Variants in NSUN7 observed in about 807,000 individuals in gnomAD.
NSUN7 encodes the protein NOP2/Sun RNA methyltransferase family member 7.
A neutral mutation model predicts 58.5 loss-of-function variants in NSUN7; 39 were observed. The observed-to-expected ratio is 0.67, with a 90% CI of 0.52 to 0.87. The LOEUF (loss-of-function observed/expected upper bound fraction) is 0.87. Ranked by LOEUF, NSUN7 falls within the 40% of genes least tolerant of loss-of-function variation. The pLI is 0.00. For missense variants in NSUN7, 765 were observed against 844.1 expected, an observed-to-expected ratio of 0.91 and a Z score of 1.16; for synonymous variants, 278 against 303.7, an observed-to-expected ratio of 0.92 and a Z score of 0.88.
chr4:40,760,209 T>C (rs1741381659), intron 2 of NSUN7, among the ~76,000 whole-genome samples: 2 of 152,242 alleles, frequency 1.3e-5, no homozygotes, highest in Admixed American at 6.5e-5. Context: ...ATAATGCTTC[T>C]TTAACTATGA....
chr4:40,780,809 A>AT (rs1742517263), intron 7 of NSUN7, among the ~76,000 whole-genome samples: 3 of 99,426 alleles, frequency 3.0e-5, no homozygotes, highest in African/African-American at 7.9e-5. Flanking sequence ...ATATATATAT[A>AT]TATATTTTTT....
In NSUN7 at chr4:40,790,893, T is replaced by C. The variant is rs1577576185; in HGVS notation, c.1180+148T>C. The stretch of plus-strand genomic sequence containing the variant: ...AGTACTTACTATGTATAAAGTCCTT[T>C]ACCTCTGTTACCTCATTTAATCCTT... On this transcript the variant is annotated intron_variant, in intron 8 of 11. Coordinates refer to ENST00000381782, the MANE Select transcript of NSUN7 (RefSeq NM_024677.6). The C allele has an allele frequency of 1.2e-5, 7 of 575,460 alleles. No individual in the cohort carries two copies. In the East Asian group the frequency reaches 2.2e-4, roughly 18 times the overall value. The allele number at this position is 575,460 out of a possible 1,614,324, so 35.6% of individuals were successfully genotyped here.
chr4:40,752,545 T>C (rs964297781), intron 2 of NSUN7, among the ~76,000 whole-genome samples: 2 of 152,146 alleles, frequency 1.3e-5, no homozygotes, highest in African/African-American at 2.4e-5. Flanking sequence ...CTCAGCCTCC[T>C]GAGTAGCTGG....
chr4:40,765,737 G>C (rs180963701), intron 4 of NSUN7, among the ~76,000 whole-genome samples: 1 of 151,930 alleles, frequency 6.6e-6, no homozygotes. Context: ...TCCATTTCTT[G>C]GTATCCTCTT....
rs1742209644 is a variant in NSUN7, at chr4:40,775,234, A to G, written c.825+284A>G. On this transcript the variant is annotated intron_variant, in intron 6 of 11. Transcript: ENST00000381782. The surrounding 1 kb of genome is among the most constrained non-coding windows in gnomAD (Gnocchi z 4.3). Reference sequence around the variant, plus strand: ...CTGTAAGGTTCTACTTTTCTCCCCTAAAGGAGAATTCAAGAGAAAGTACAA... The same window carrying G: ...CTGTAAGGTTCTACTTTTCTCCCCTGAAGGAGAATTCAAGAGAAAGTACAA... 5.6e-6 allele frequency: 1 copy of G among 180,112 alleles called. No homozygotes were observed. Among genetic ancestry groups the G allele is most frequent in the South Asian group, 1.8e-4 (1 of 5,408 alleles). The allele number at this position is 180,112 out of a possible 1,614,324, so 11.2% of individuals were successfully genotyped here.
At chr4:40,771,149 A>G (rs945172694) in intron 4 of NSUN7, among the ~76,000 whole-genome samples, 5 of 152,210 alleles carry the variant, frequency 3.3e-5, no homozygotes, top group Non-Finnish European at 7.3e-5. Flanking sequence ...AAGATCATTT[A>G]TGGAAGAATT....
At chr4:40,787,934 A>G (rs1742908768) in intron 7 of NSUN7, among the ~76,000 whole-genome samples, 2 of 152,180 alleles carry the variant, frequency 1.3e-5, no homozygotes, top group South Asian at 4.1e-4. Context: ...TCCCAGGTTC[A>G]AGCAATTCTC....
At chr4:40,794,516 T>C (rs1245348663) in intron 9 of NSUN7, 40 bp downstream of exon 9, 1 of 1,207,050 alleles carries the variant, frequency 8.3e-7, no homozygotes, top group East Asian at 2.4e-5. Flanking sequence ...AAATAAGGTG[T>C]ACATTTTAGA....
chr4:40,772,394 G>A (rs1332775543), intron 4 of NSUN7, among the ~76,000 whole-genome samples: 1 of 152,048 alleles, frequency 6.6e-6, no homozygotes, highest in African/African-American at 2.4e-5. Flanking sequence ...ATTTTTTGAG[G>A]TGCATTAATG....
rs373843912 is a variant in NSUN7, at chr4:40,761,226, A to C, written c.413A>C (p.Lys138Thr). ...IVMLYDFQDR[K>T]FQTRVLSDNE... ...ATGCTATATGATTTCCAAGATAGAAAATTTCAAACTCGTGTCCTTTCTGAT... is the reference window on the plus strand; with the variant it reads ...ATGCTATATGATTTCCAAGATAGAACATTTCAAACTCGTGTCCTTTCTGAT... Residue 138 changes from lysine to threonine, a missense_variant, in exon 4 of 12, where the codon AAA becomes ACA. Lys to Thr is a moderately conservative substitution (Grantham distance 78, BLOSUM62 -1). Coordinates refer to ENST00000381782, the MANE Select transcript of NSUN7 (RefSeq NM_024677.6). 1.0e-5 allele frequency: 16 copies of C among 1,585,300 alleles called. No individual in the cohort carries two copies. Among genetic ancestry groups the C allele is most frequent in the Non-Finnish European group, 1.4e-5 (16 of 1,171,264 alleles).
intron 7 of NSUN7, among the ~76,000 whole-genome samples, chr4:40,779,314 C>T (rs1215901823): frequency 6.6e-6 from 1 of 151,746 alleles, no homozygotes; most frequent in East Asian, 1.9e-4. Flanking sequence ...AGAGCAAGAC[C>T]CTGTCTCTGC....
chr4:40,776,402 T>G, intron 7 of NSUN7, 143 bp downstream of exon 7: 1 of 562,350 alleles, frequency 1.8e-6, no homozygotes, highest in Non-Finnish European at 3.0e-6. Context: ...AATCTATGTC[T>G]TATCAGGCTG....
At chr4:40,757,671 T>G (rs1304280303) in intron 2 of NSUN7, among the ~76,000 whole-genome samples, 1 of 145,956 alleles carries the variant, frequency 6.9e-6, no homozygotes, top group Non-Finnish European at 1.5e-5. Context: ...ATATACATTG[T>G]GTGTATATAT....
chr4:40,792,095 A>G (rs1453108374), intron 8 of NSUN7, among the ~76,000 whole-genome samples: 1 of 152,234 alleles, frequency 6.6e-6, no homozygotes, highest in Non-Finnish European at 1.5e-5. Flanking sequence ...ACCAATTCAG[A>G]TGGTAGAATG....
intron 11 of NSUN7, among the ~76,000 whole-genome samples, chr4:40,807,677 C>T (rs1008659715): frequency 6.6e-6 from 1 of 152,040 alleles, no homozygotes; most frequent in Admixed American, 6.6e-5. Context: ...CCCGAGTGTT[C>T]CTCTTCTGCC....
intron 7 of NSUN7, chr4:40,786,037 G>A: frequency 6.6e-7 from 1 of 1,512,638 alleles, no homozygotes. Context: ...CTTATAGCTG[G>A]ATCAGTTACC....
intron 2 of NSUN7, 87 bp downstream of exon 2, chr4:40,751,078 C>T: frequency 6.9e-7 from 1 of 1,448,862 alleles, no homozygotes; most frequent in Non-Finnish European, 9.4e-7. Flanking sequence ...CTCCCTTCCC[C>T]TCATTCACAC....
Position 40,757,725 on chromosome 4 carries a change from T to C in NSUN7, c.299-2709T>C, listed in dbSNP as rs548743066. 1.7e-3 allele frequency among the ~76,000 whole-genome samples: 242 copies of C among 142,592 alleles called. 1 individual carries two copies. The highest frequency in any genetic ancestry group is 8.0e-3 in the East Asian group (38 of 4,770). 93.5% of individuals were successfully genotyped at this position (142,592 alleles called of 152,430 possible). A position where few individuals can be genotyped will look rare whatever the true frequency, so the allele number is the denominator to read the frequency against. ...TATACATTGTGTGTGTGTGTATATA[T>C]ACACACACACACACACACACACACA... On this transcript the variant is annotated intron_variant, in intron 2 of 11. Coordinates refer to ENST00000381782, the MANE Select transcript of NSUN7 (RefSeq NM_024677.6).
At chr4:40,774,065 TG>T (rs1742146386) in intron 4 of NSUN7, among the ~76,000 whole-genome samples, 199 bp from the exon 5 acceptor site, 1 of 152,198 alleles carries the variant, frequency 6.6e-6, no homozygotes, top group Non-Finnish European at 1.5e-5. Context: ...CCCAAAGTGT[TG>T]GGATTACAGG....
Sources: allele counts gnomAD v4.1 joint callset (sites outside exome capture counted in the v4.1 genomes callset), GRCh38; gene constraint gnomAD v4.1.1; non-coding constraint Gnocchi (gnomAD v3.1); transcripts MANE v1.5; gene names NCBI Gene and HGNC (gene_info 2026-07-23, HGNC 2026-07-21).